Variants in NPHP1 observed in about 807,000 individuals in gnomAD.
NPHP1 encodes nephrocystin-1.
In NPHP1, 70 loss-of-function variants were observed where a neutral mutation model predicts 90.4. The observed-to-expected ratio is 0.77, with a 90% confidence interval of 0.64 to 0.95. The LOEUF is 0.95. Among genes scored for constraint, NPHP1 ranks in the 40% least tolerant of loss-of-function variants. The pLI is 0.00. For synonymous variants in NPHP1, 256 were observed against 271.7 expected (o/e 0.94, Z 0.57); for missense variants, 764 against 795.9 (o/e 0.96, Z 0.48).
intron 12 of NPHP1, 53 bp from the exon 13 acceptor site, chr2:110,148,079 G>T: frequency 9.0e-7 from 1 of 1,108,234 alleles, no homozygotes; most frequent in Non-Finnish European, 1.4e-6. Context: ...ATGGGAAGGG[G>T]GTTTGATGTG....
intron 16 of NPHP1, among the ~76,000 whole-genome samples, chr2:110,135,424 C>T (rs1384812372): frequency 2.1e-5 from 3 of 143,536 alleles, no homozygotes; most frequent in Non-Finnish European, 4.5e-5. Context: ...TTGCAGTGAG[C>T]CGAGATTGCG....
At chr2:110,131,492 C>T (rs538369925) in intron 17 of NPHP1, among the ~76,000 whole-genome samples, 187 bp downstream of exon 17, 9 of 152,072 alleles carry the variant, frequency 5.9e-5, no homozygotes, top group African/African-American at 1.2e-4. Context: ...GAATATGTGT[C>T]GAGTTCACAA....
intron 18 of NPHP1, chr2:110,128,855 C>A: frequency 2.9e-6 from 1 of 339,320 alleles, no homozygotes; most frequent in South Asian, 4.1e-5. Flanking sequence ...TGATTCTCCC[C>A]TGCAAATTCA....
At chr2:110,167,680 C>T (rs1682812869) in intron 6 of NPHP1, among the ~76,000 whole-genome samples, 1 of 152,068 alleles carries the variant, frequency 6.6e-6, no homozygotes, top group Non-Finnish European at 1.5e-5. Context: ...GGTATGGGAA[C>T]TCGTGAATGT....
chr2:110,132,724 C>T (rs945584674), intron 16 of NPHP1, among the ~76,000 whole-genome samples: 3 of 151,922 alleles, frequency 2.0e-5, no homozygotes, highest in Non-Finnish European at 4.4e-5. Flanking sequence ...ACAGTAAGGG[C>T]TAAAAAATAG....
intron 11 of NPHP1, among the ~76,000 whole-genome samples, chr2:110,152,201 T>C (rs1484653135): frequency 6.6e-6 from 1 of 151,982 alleles, no homozygotes; most frequent in African/African-American, 2.4e-5. Context: ...GTGCCTGTAG[T>C]CTAACTACTT....
chr2:110,175,885 T>G (rs1287833214), intron 4 of NPHP1, among the ~76,000 whole-genome samples: 1 of 152,174 alleles, frequency 6.6e-6, no homozygotes, highest in Non-Finnish European at 1.5e-5. Flanking sequence ...CATTCTGTTT[T>G]GTTCTTTGCA....
intron 2 of NPHP1, among the ~76,000 whole-genome samples, chr2:110,191,770 C>T (rs1281847817): frequency 5.3e-5 from 8 of 152,180 alleles, no homozygotes; most frequent in Non-Finnish European, 8.8e-5. Flanking sequence ...TAGGGGCAGA[C>T]TGACACCTCA....
intron 2 of NPHP1, among the ~76,000 whole-genome samples, chr2:110,194,254 C>T (rs929417519): frequency 4.0e-4 from 60 of 151,848 alleles, no homozygotes; most frequent in Middle Eastern, 3.4e-3. Context: ...ATTGATAAAC[C>T]GCTAGCAAGA....
chr2:110,180,188 A>C (rs1209950296), intron 2 of NPHP1, among the ~76,000 whole-genome samples: 1 of 152,110 alleles, frequency 6.6e-6, no homozygotes, highest in Non-Finnish European at 1.5e-5. Flanking sequence ...ATGGTACAGC[A>C]ACAATATGAA....
At chr2:110,194,731 T>C (rs1685025214) in intron 2 of NPHP1, among the ~76,000 whole-genome samples, 1 of 152,154 alleles carries the variant, frequency 6.6e-6, no homozygotes, top group Non-Finnish European at 1.5e-5. Flanking sequence ...CCAGTATCCC[T>C]GATGAACCTC....
intron 16 of NPHP1, among the ~76,000 whole-genome samples, chr2:110,142,763 A>C (rs1574082745): frequency 6.6e-6 from 1 of 152,224 alleles, no homozygotes; most frequent in Admixed American, 6.5e-5. Flanking sequence ...ATTTTGTAAT[A>C]AAGTATAAAT....
At chr2:110,127,837 A>T (rs1321886927) in intron 18 of NPHP1, 1 of 152,206 alleles carries the variant, frequency 6.6e-6, no homozygotes, top group African/African-American at 2.4e-5. Flanking sequence ...GATTCCTGTT[A>T]CACACCTAGG....
At position 110,161,682 on chromosome 2, in the gene NPHP1, G is replaced by A. The variant is rs1179796852; in HGVS notation, c.875C>T (p.Ala292Val). The A allele has an allele frequency of 2.5e-6, 4 of 1,611,194 alleles. No individual in the cohort carries two copies. The African/African-American group carries it at 4.0e-5, about 16-fold the overall frequency. The change falls in exon 10 of 20, where the codon GCA becomes GTA. Residue 292 changes from alanine (A) to valine (V), a missense_variant. By Grantham distance (64) the Ala-to-Val change is moderately conservative. Coordinates refer to ENST00000445609, the MANE Select transcript of NPHP1 (RefSeq NM_001128178.3). The stretch of plus-strand genomic sequence containing the variant: ...GAGCTCTGGTTGTAAGAAGTAATTT[G>A]CTCGAAATTGATTCCCTGAAAAAAT... ...QLLEEGNQFRANYFLQPELMP... is the reference protein window; with the variant it reads ...QLLEEGNQFRVNYFLQPELMP...
intron 2 of NPHP1, among the ~76,000 whole-genome samples, chr2:110,196,215 G>A (rs1685153117): frequency 1.3e-5 from 2 of 151,922 alleles, no homozygotes; most frequent in Non-Finnish European, 2.9e-5. Context: ...GAGTGAACAG[G>A]CAACCTACAG....
chr2:110,152,854 A>G (rs1681593604), intron 11 of NPHP1, among the ~76,000 whole-genome samples: 3 of 152,074 alleles, frequency 2.0e-5, no homozygotes, highest in Admixed American at 6.6e-5. Flanking sequence ...TACTAGATAG[A>G]GGGAAACGGC....
intron 16 of NPHP1, 98 bp downstream of exon 16, chr2:110,143,444 C>G: frequency 1.2e-6 from 1 of 849,116 alleles, no homozygotes; most frequent in East Asian, 2.5e-5. Flanking sequence ...AATATTATAA[C>G]AAAAGATGAC....
At position 110,123,884 on chromosome 2, in the gene NPHP1, T is replaced by A; in HGVS notation, c.1941A>T (p.Gln647His). ...KQNQENQGAL[Q>H]ALLSPDGVHE... ...GAACTCCGTCTGGTGACAGCAGAGCTTGGAGGGCGCCCTGGTTTTCTTGGT... is the reference window on the plus strand; with the variant it reads ...GAACTCCGTCTGGTGACAGCAGAGCATGGAGGGCGCCCTGGTTTTCTTGGT... Residue 647 changes from glutamine (Q) to histidine (H), a missense_variant, in exon 20 of 20, where the codon CAA becomes CAT. Gln to His is a conservative substitution (Grantham distance 24, BLOSUM62 0). Coordinates refer to ENST00000445609, the MANE Select transcript of NPHP1 (RefSeq NM_001128178.3). 1 of 1,614,094 alleles carries A rather than the reference T, an allele frequency of 6.2e-7. No individual in the cohort carries two copies. The highest frequency in any genetic ancestry group is 1.7e-4 in the Middle Eastern group (1 of 6,058).
intron 11 of NPHP1, among the ~76,000 whole-genome samples, chr2:110,158,849 G>A (rs1317141775): frequency 6.6e-6 from 1 of 151,762 alleles, no homozygotes; most frequent in East Asian, 1.9e-4. Flanking sequence ...ACTTGTTCCT[G>A]GTCTTAGGAA....
Sources: gnomAD v4.1 joint callset for allele counts (sites outside exome capture counted in the v4.1 genomes callset) on GRCh38, gnomAD v4.1.1 for gene constraint, MANE v1.5 for transcripts, NCBI Gene and HGNC (gene_info 2026-07-23, HGNC 2026-07-21) for gene names.